The following ABRAXAS1 variants were observed in gnomAD, a reference collection of about 807,000 sequenced individuals.
ABRAXAS1 encodes the protein BRCA1-A complex subunit Abraxas 1.
Under a neutral mutation model 38.4 loss-of-function variants are expected in ABRAXAS1, and 26 were observed. The observed-to-expected ratio is 0.68, with a 90% CI of 0.50 to 0.94. ABRAXAS1 has a LOEUF of 0.94. ABRAXAS1 is among the 40% of genes least tolerant of loss of function. The pLI, the probability that ABRAXAS1 is intolerant of heterozygous loss-of-function variation, is 0.00. For synonymous variants in ABRAXAS1, 144 were observed against 165.5 expected, an observed-to-expected ratio of 0.87 and a Z score of 1.00; for missense variants, 438 against 481.9, an observed-to-expected ratio of 0.91 and a Z score of 0.85.
intron 7 of ABRAXAS1, chr4:83,463,983 CGA>C (rs1722250053): frequency 1.3e-5 from 2 of 153,314 alleles, no homozygotes; most frequent in African/African-American, 4.8e-5. Flanking sequence ...CTCAGGAGTT[CGA>C]GACCAGCCTG....
chr4:83,484,231 T>C (rs560778754), intron 1 of ABRAXAS1: 2 of 983,852 alleles, frequency 2.0e-6, no homozygotes, highest in African/African-American at 3.5e-5. Context: ...CAGAAATTAC[T>C]AGGCATTGTT....
At chr4:83,464,303 C>T (rs868217) in intron 7 of ABRAXAS1, among the ~76,000 whole-genome samples, 54,650 of 152,050 alleles carry the variant, frequency 0.36, 11,422 homozygotes, top group East Asian at 0.67. Flanking sequence ...CTTACTATTA[C>T]GAAAGGATAC....
intron 1 of ABRAXAS1, among the ~76,000 whole-genome samples, chr4:83,484,400 T>C (rs1028099356): frequency 3.3e-5 from 5 of 152,242 alleles, no homozygotes; most frequent in African/African-American, 4.8e-5. Context: ...TTTTAGAAAA[T>C]AGGCAACGTA....
chr4:83,481,057 G>A (rs541192277), intron 2 of ABRAXAS1, among the ~76,000 whole-genome samples: 10 of 152,062 alleles, frequency 6.6e-5, no homozygotes, highest in Admixed American at 3.3e-4. Context: ...GCTTGAACCT[G>A]GGAGGCGGAG....
Position 83,459,829 on chromosome 4 carries a change from G to A in ABRAXAS1, c.*2640C>T, listed in dbSNP as rs181746258. 6.6e-7 allele frequency: 1 copy of A among 1,504,820 alleles called. No individual in the cohort carries two copies. Among genetic ancestry groups the A allele is most frequent in the Non-Finnish European group, 9.1e-7 (1 of 1,095,356 alleles). The allele number at this position is 1,504,820 out of a possible 1,614,324, so 93.2% of individuals were successfully genotyped here. A position where few individuals can be genotyped will look rare whatever the true frequency, so the allele number is the denominator to read the frequency against. ...TCTTTTTTATTATGGGAATATAAAT[G>A]TAGATACGAATTATATCAATCTATT... On this transcript the variant is annotated 3_prime_UTR_variant, in exon 9 of 9. Coordinates refer to ENST00000321945, the MANE Select transcript of ABRAXAS1 (RefSeq NM_139076.3).
chr4:83,460,872 C>A lies in ABRAXAS1; in HGVS notation c.*1597G>T. On this transcript the variant is annotated 3_prime_UTR_variant, in exon 9 of 9. Coordinates refer to ENST00000321945, the MANE Select transcript of ABRAXAS1 (RefSeq NM_139076.3). ...AGTGAGGCGAGAGAGCACCACTGTA[C>A]TCCAGCCTGGGTGACACAGGGAGAC... 2.0e-6 allele frequency: 2 copies of A among 994,698 alleles called. No individual in the cohort carries two copies. The highest frequency in any genetic ancestry group is 1.5e-6 in the Non-Finnish European group (1 of 654,172). The allele number at this position is 994,698 out of a possible 1,614,324, so 61.6% of individuals were successfully genotyped here.
At chr4:83,471,921 G>C (rs1722603859) in intron 4 of ABRAXAS1, among the ~76,000 whole-genome samples, 1 of 152,140 alleles carries the variant, frequency 6.6e-6, no homozygotes, top group African/African-American at 2.4e-5. Context: ...TAAAATAACA[G>C]AACTGATTAG....
intron 5 of ABRAXAS1, chr4:83,469,379 T>C: frequency 4.5e-6 from 2 of 449,010 alleles, no homozygotes; most frequent in Non-Finnish European, 8.1e-6. Context: ...AGTGGTGCGA[T>C]CATGGCTCAA....
intron 6 of ABRAXAS1, among the ~76,000 whole-genome samples, chr4:83,467,847 T>C (rs1171950148): frequency 3.3e-5 from 5 of 152,178 alleles, no homozygotes; most frequent in African/African-American, 4.8e-5. Flanking sequence ...AAAGTCTCTA[T>C]TGGCAATGGG....
chr4:83,478,199 C>T (rs1722856152), intron 2 of ABRAXAS1: 1 of 699,958 alleles, frequency 1.4e-6, no homozygotes, highest in Non-Finnish European at 2.7e-6. Context: ...GGCTGGGGCT[C>T]TTGCCTCTAA....
intron 1 of ABRAXAS1, among the ~76,000 whole-genome samples, chr4:83,482,614 T>G (rs1031033369): frequency 2.0e-5 from 3 of 152,134 alleles, no homozygotes; most frequent in African/African-American, 7.2e-5. Context: ...TGGGATGACG[T>G]GAACCCAGGA....
chr4:83,482,210 G>C lies in ABRAXAS1; in HGVS notation c.122C>G (p.Ala41Gly), dbSNP rs780156756. The C allele has an allele frequency of 3.1e-6, 5 of 1,612,092 alleles. No individual in the cohort carries two copies. In the African/African-American group the frequency reaches 6.7e-5, roughly 22 times the overall value. ...GFLLGEVKGE[A>G]KNSITDSQMD... ...TTGGGAATCAGTAATGCTGTTCTTG[G>C]CTTCACCTTTTACTTCCCCAAGAAG... The change falls in exon 2 of 9, where the codon GCC (alanine) becomes GGC (glycine). Residue 41 changes from alanine to glycine, a missense_variant. Ala to Gly is a moderately conservative substitution (Grantham distance 60, BLOSUM62 0). Coordinates refer to ENST00000321945, the MANE Select transcript of ABRAXAS1 (RefSeq NM_139076.3).
At chr4:83,470,634 GAAAT>G (rs1374520326) in intron 4 of ABRAXAS1, among the ~76,000 whole-genome samples, 2 of 152,214 alleles carry the variant, frequency 1.3e-5, no homozygotes, top group African/African-American at 4.8e-5. Flanking sequence ...TTAAAAGGGA[GAAAT>G]AAATTCTTGA....
intron 1 of ABRAXAS1, among the ~76,000 whole-genome samples, chr4:83,482,853 G>A (rs1723046074): frequency 6.6e-6 from 1 of 152,152 alleles, no homozygotes; most frequent in Non-Finnish European, 1.5e-5. Context: ...TGTAGGCAGA[G>A]CATGAAGCAC....
At position 83,463,517 on chromosome 4, in the gene ABRAXAS1, C is replaced by G. The variant is rs1060503254; in HGVS notation, c.773G>C (p.Arg258Thr). ...ACTTGCTGCCTGAATCTGTGCTCCT[C>G]TCCTTTTCTCAATTTCTCGTTTTAA... ...NRLKREIEKR[R>T]GAQIQAAREK... Residue 258 changes from arginine to threonine, a missense_variant, in exon 8 of 9, where the codon AGA (arginine) becomes ACA (threonine). Coordinates refer to ENST00000321945, the MANE Select transcript of ABRAXAS1 (RefSeq NM_139076.3). 1.2e-6 allele frequency: 2 copies of G among 1,609,760 alleles called. No individual in the cohort carries two copies. Among genetic ancestry groups the G allele is most frequent in the Non-Finnish European group, 1.7e-6 (2 of 1,178,644 alleles).
Position 83,460,858 on chromosome 4 carries a change from A to T in ABRAXAS1, c.*1611T>A. On this transcript the variant is annotated 3_prime_UTR_variant, in exon 9 of 9. Transcript: ENST00000321945. The stretch of plus-strand genomic sequence containing the variant: ...GTGGCGGAGGTTGCAGTGAGGCGAG[A>T]GAGCACCACTGTACTCCAGCCTGGG... 1.2e-6 allele frequency: 1 copy of T among 830,270 alleles called. No individual in the cohort carries two copies. The allele number at this position is 830,270 out of a possible 1,614,324, so 51.4% of individuals were successfully genotyped here. A position where few individuals can be genotyped will look rare whatever the true frequency, so the allele number is the denominator to read the frequency against.
intron 3 of ABRAXAS1, among the ~76,000 whole-genome samples, chr4:83,473,667 G>A (rs1004683280): frequency 1.3e-5 from 2 of 151,942 alleles, no homozygotes; most frequent in African/African-American, 4.8e-5. Flanking sequence ...CTACAGGCAT[G>A]CCAACACACC....
chr4:83,469,641 A>C (rs1722507112), intron 5 of ABRAXAS1: 1 of 158,966 alleles, frequency 6.3e-6, no homozygotes, highest in African/African-American at 2.4e-5. Context: ...GTGTGGAAAA[A>C]CAGTTTAATG....
At chr4:83,472,743 A>G (rs188120025) in intron 3 of ABRAXAS1, among the ~76,000 whole-genome samples, 1 of 152,306 alleles carries the variant, frequency 6.6e-6, no homozygotes, top group African/African-American at 2.4e-5. Flanking sequence ...GTATTTTAGG[A>G]GGTGGCTGGG....
Sources: allele counts gnomAD v4.1 joint callset (sites outside exome capture counted in the v4.1 genomes callset), GRCh38; gene constraint gnomAD v4.1.1; transcripts MANE v1.5; gene names NCBI Gene and HGNC (gene_info 2026-07-23, HGNC 2026-07-21).